Variants in COMMD10 observed in about 807,000 individuals in gnomAD.
COMMD10 encodes the protein COMM domain containing 10.
Under a neutral mutation model 28.9 loss-of-function variants are expected in COMMD10, and 33 were observed. That is an observed-to-expected ratio of 1.14 (90% CI 0.87 to 1.53). COMMD10 has a LOEUF of 1.53. COMMD10 is among the 40% of genes most tolerant of loss of function. The pLI, the probability that COMMD10 is intolerant of heterozygous loss-of-function variation, is 0.00. For synonymous variants in COMMD10, 110 were observed against 81.7 expected, an observed-to-expected ratio of 1.35 and a Z score of -1.87; for missense variants, 310 against 233.4, an observed-to-expected ratio of 1.33 and a Z score of -2.14.
At chr5:116,154,256 T>G (rs1046123885) in intron 5 of COMMD10, among the ~76,000 whole-genome samples, 1 of 152,186 alleles carries the variant, frequency 6.6e-6, no homozygotes, top group Non-Finnish European at 1.5e-5. Flanking sequence ...TTTTGTTACT[T>G]TTATTTTTAA....
intron 5 of COMMD10, among the ~76,000 whole-genome samples, chr5:116,279,860 T>A (rs1751025937): frequency 6.6e-6 from 1 of 151,798 alleles, no homozygotes; most frequent in South Asian, 2.1e-4. Context: ...TAAGACAGTG[T>A]GACACCCCAT....
At chr5:116,206,927 C>G (rs1366267100) in intron 5 of COMMD10, among the ~76,000 whole-genome samples, 6 of 151,946 alleles carry the variant, frequency 3.9e-5, no homozygotes, top group Non-Finnish European at 5.9e-5. Context: ...TCTCCATCTC[C>G]TCAAAAAATT....
At chr5:116,187,618 T>G (rs544594015) in intron 5 of COMMD10, among the ~76,000 whole-genome samples, 1 of 152,110 alleles carries the variant, frequency 6.6e-6, no homozygotes, top group Non-Finnish European at 1.5e-5. Context: ...CTAAATTACT[T>G]CATATATTAA....
intron 5 of COMMD10, among the ~76,000 whole-genome samples, chr5:116,248,808 C>T (rs578031378): frequency 3.3e-5 from 5 of 151,624 alleles, no homozygotes; most frequent in South Asian, 2.1e-4. Flanking sequence ...CTCTTGGATC[C>T]GGAAATATAC....
chr5:116,178,439 T>C (rs576061670), intron 5 of COMMD10, among the ~76,000 whole-genome samples: 1 of 152,272 alleles, frequency 6.6e-6, no homozygotes, highest in South Asian at 2.1e-4. Flanking sequence ...GGAGTTATTA[T>C]AAAGTTACTA....
At chr5:116,288,555 C>T (rs144905142) in intron 5 of COMMD10, among the ~76,000 whole-genome samples, 6 of 151,624 alleles carry the variant, frequency 4.0e-5, no homozygotes, top group Admixed American at 1.3e-4. Context: ...TCTTACTTTC[C>T]CTTCTGGAAT....
chr5:116,243,909 C>A (rs1302323646), intron 5 of COMMD10, among the ~76,000 whole-genome samples: 1 of 152,118 alleles, frequency 6.6e-6, no homozygotes, highest in African/African-American at 2.4e-5. Flanking sequence ...TAAATACTAT[C>A]CCCACTCCCC....
At chr5:116,250,839 T>G (rs1434837126) in intron 5 of COMMD10, among the ~76,000 whole-genome samples, 1 of 152,024 alleles carries the variant, frequency 6.6e-6, no homozygotes, top group East Asian at 1.9e-4. Flanking sequence ...TTGGCTCACC[T>G]ACTTCACTTT....
At chr5:116,281,961 C>T (rs974626221) in intron 5 of COMMD10, among the ~76,000 whole-genome samples, 1 of 151,788 alleles carries the variant, frequency 6.6e-6, no homozygotes, top group Non-Finnish European at 1.5e-5. Flanking sequence ...TGGGCAATTT[C>T]ATGTACTTTC....
chr5:116,137,090 C>A (rs1396275060), intron 5 of COMMD10, among the ~76,000 whole-genome samples: 1 of 152,064 alleles, frequency 6.6e-6, no homozygotes, highest in African/African-American at 2.4e-5. Flanking sequence ...TACCTCTTTT[C>A]CTCAATGAAC....
intron 4 of COMMD10, among the ~76,000 whole-genome samples, chr5:116,116,300 A>G (rs1474870303): frequency 1.3e-5 from 2 of 152,116 alleles, no homozygotes; most frequent in African/African-American, 2.4e-5. Flanking sequence ...TTAAAAACTT[A>G]TGTTCTCTTG....
intron 5 of COMMD10, among the ~76,000 whole-genome samples, chr5:116,212,054 C>G (rs1166517732): frequency 6.6e-6 from 1 of 152,270 alleles, no homozygotes; most frequent in East Asian, 1.9e-4. Context: ...CTGTACACAT[C>G]ATACACAGTA....
At chr5:116,114,388 C>T (rs1420771835) in intron 4 of COMMD10, among the ~76,000 whole-genome samples, 1 of 152,024 alleles carries the variant, frequency 6.6e-6, no homozygotes, top group Non-Finnish European at 1.5e-5. Flanking sequence ...CCCCAGTGCC[C>T]TTGTGTTGGG....
At chr5:116,266,225 T>C (rs1164730287) in intron 5 of COMMD10, among the ~76,000 whole-genome samples, 1 of 151,728 alleles carries the variant, frequency 6.6e-6, no homozygotes, top group Non-Finnish European at 1.5e-5. Flanking sequence ...AAGAAAAATA[T>C]TTATACCTAT....
chr5:116,256,760 G>A (rs577401443), intron 5 of COMMD10, among the ~76,000 whole-genome samples: 2 of 151,802 alleles, frequency 1.3e-5, no homozygotes, highest in Admixed American at 6.6e-5. Context: ...GTAATTTAAT[G>A]TAATATTTTG....
At chr5:116,203,447 C>G (rs111328876) in intron 5 of COMMD10, among the ~76,000 whole-genome samples, 53 of 151,962 alleles carry the variant, frequency 3.5e-4, no homozygotes, top group African/African-American at 1.3e-3. Context: ...GTCACATTCA[C>G]CAAAGTTGCA....
chr5:116,175,842 G>A (rs1248728040), intron 5 of COMMD10, among the ~76,000 whole-genome samples: 5 of 152,132 alleles, frequency 3.3e-5, no homozygotes, highest in Non-Finnish European at 1.5e-5. Flanking sequence ...GAGACAGAAA[G>A]TAGAATGGTA....
chr5:116,195,057 A>T (rs984162270), intron 5 of COMMD10, among the ~76,000 whole-genome samples: 1 of 152,182 alleles, frequency 6.6e-6, no homozygotes, highest in African/African-American at 2.4e-5. Flanking sequence ...AGAATTAAAA[A>T]CAAAAATCAC....
chr5:116,104,806 A>G (rs535973533), intron 4 of COMMD10, among the ~76,000 whole-genome samples: 2 of 152,216 alleles, frequency 1.3e-5, no homozygotes, highest in East Asian at 3.9e-4. Flanking sequence ...TTTTTAGTAG[A>G]GACGGGGTTT....
Sources: allele counts gnomAD v4.1 joint callset (sites outside exome capture counted in the v4.1 genomes callset), GRCh38; gene constraint gnomAD v4.1.1; transcripts MANE v1.5; gene names NCBI Gene and HGNC (gene_info 2026-07-23, HGNC 2026-07-21).